The following CDC42EP5 variants were observed in gnomAD, a reference collection of about 807,000 sequenced individuals.
CDC42EP5 encodes CDC42 effector protein (Rho GTPase binding) 5.
For missense variants in CDC42EP5, 269 were observed against 238.0 expected (o/e 1.13, Z -0.86); for synonymous variants, 118 against 123.3 (o/e 0.96, Z 0.28).
In CDC42EP5 at chr19:54,468,279, T is replaced by C. The variant is rs143041949; in HGVS notation, c.1-2732A>G. ...GCACCCTGGGAAGTATTGGTGATAATATGGAGGAAAATGAAAGCCAAAGGG... is the reference window on the plus strand; with the variant it reads ...GCACCCTGGGAAGTATTGGTGATAACATGGAGGAAAATGAAAGCCAAAGGG... On this transcript the variant is annotated intron_variant, in intron 2 of 2. Transcript: ENST00000301200. Among the ~76,000 whole-genome samples, 865 of 152,068 alleles carry C rather than the reference T, an allele frequency of 5.7e-3. 10 individuals are homozygous for C. Among genetic ancestry groups the C allele is most frequent in the African/African-American group, 0.02 (824 of 41,466 alleles).
chr19:54,470,012 C>T (rs1221548988), intron 2 of CDC42EP5, among the ~76,000 whole-genome samples: 4 of 152,078 alleles, frequency 2.6e-5, no homozygotes, highest in Non-Finnish European at 4.4e-5. Flanking sequence ...CCTTCTTGTG[C>T]GATCCCAAAC....
At chr19:54,468,757 G>A (rs1156787118) in intron 2 of CDC42EP5, among the ~76,000 whole-genome samples, 22 of 141,316 alleles carry the variant, frequency 1.6e-4, no homozygotes, top group Admixed American at 9.4e-4. Context: ...TCACCATGTT[G>A]CCCAGGCTGG....
chr19:54,472,422 A>G lies in CDC42EP5; in HGVS notation c.-142+642T>C, dbSNP rs188960651. Among the ~76,000 whole-genome samples, 86 of 25,440 alleles carry G rather than the reference A, an allele frequency of 3.4e-3. 2 individuals carry two copies. The highest frequency in any genetic ancestry group is 9.2e-3 in the African/African-American group (37 of 4,026). The allele number at this position is 25,440 out of a possible 152,430, so 16.7% of individuals were successfully genotyped here. A position where few individuals can be genotyped will look rare whatever the true frequency, so the allele number is the denominator to read the frequency against. ...AGCCCCTCCTCCCTCAGACCCAGGA[A>G]TCCAGGCCCCATCCCCTCCTCCCTC... On this transcript the variant is annotated intron_variant, in intron 1 of 2. Transcript: ENST00000301200.
chr19:54,467,286 T>TAA (rs111920581), intron 2 of CDC42EP5, among the ~76,000 whole-genome samples: 49,422 of 144,932 alleles, frequency 0.34, 9,133 homozygotes, highest in East Asian at 0.62. Context: ...CCATCTCTAC[T>TAA]AAAAAAAAAA....
At chr19:54,467,525 C>CA (rs1425282753) in intron 2 of CDC42EP5, among the ~76,000 whole-genome samples, 2 of 150,300 alleles carry the variant, frequency 1.3e-5, no homozygotes, top group Non-Finnish European at 3.0e-5. Flanking sequence ...GCAGCATCTG[C>CA]ATTGTAAACT....
In CDC42EP5 at chr19:54,465,361, G is replaced by A; in HGVS notation, c.187C>T (p.Pro63Ser). 1 of 1,156,544 alleles carries A rather than the reference G, an allele frequency of 8.6e-7. No individual in the cohort carries two copies. The highest frequency in any genetic ancestry group is 1.1e-6 in the Non-Finnish European group (1 of 939,580). The allele number at this position is 1,156,544 out of a possible 1,614,324, so 71.6% of individuals were successfully genotyped here. Residue 63 changes from proline (P) to serine (S), a missense_variant, in exon 3 of 3, where the codon CCC becomes TCC. Transcript: ENST00000301200. ...GGGGAGCGCGGGGCCCCCGCGGGGG[G>A]CGCCCGGGGCTCGGGGGGCGGCCCG... is the stretch of plus-strand genomic sequence containing the variant. ...GGGPPPEPRA[P>S]PAGAPRSPPP...
chr19:54,466,469 C>G (rs2123287188), intron 2 of CDC42EP5, among the ~76,000 whole-genome samples: 1 of 152,260 alleles, frequency 6.6e-6, no homozygotes, highest in East Asian at 1.9e-4. Flanking sequence ...AAAACTCCAG[C>G]TTGTCAAAAA....
intron 2 of CDC42EP5, 128 bp from the exon 3 acceptor site, chr19:54,465,675 G>A (rs1171473582): frequency 2.6e-6 from 3 of 1,165,500 alleles, no homozygotes; most frequent in South Asian, 4.3e-5. Flanking sequence ...ACGGAGTCTC[G>A]CCCATGCTGG....
intron 2 of CDC42EP5, among the ~76,000 whole-genome samples, chr19:54,468,804 G>C (rs1043890421): frequency 1.3e-5 from 2 of 150,020 alleles, no homozygotes; most frequent in Admixed American, 6.7e-5. Context: ...TGCCCGCCTT[G>C]GCCTCCCAAA....
Position 54,465,205 on chromosome 19 carries a change from C to A in CDC42EP5, c.343G>T (p.Ala115Ser). 1.4e-6 allele frequency: 2 copies of A among 1,438,412 alleles called. No homozygotes were observed. Among genetic ancestry groups the A allele is most frequent in the African/African-American group, 1.5e-5 (1 of 67,336 alleles). The allele number at this position is 1,438,412 out of a possible 1,614,324, so 89.1% of individuals were successfully genotyped here. A position where few individuals can be genotyped will look rare whatever the true frequency, so the allele number is the denominator to read the frequency against. Reference sequence around the variant, plus strand: ...GGTTCCGCGTCGGGCTTGGCGGCAGCCGCCTCCGGGCGCGCCGCGTCCATG... The same window carrying A: ...GGTTCCGCGTCGGGCTTGGCGGCAGACGCCTCCGGGCGCGCCGCGTCCATG... ...GVMDAARPEA[A>S]AAKPDAEPRP... Residue 115 changes from alanine (A) to serine (S), a missense_variant, in exon 3 of 3, where the codon GCT (alanine) becomes TCT (serine). Physicochemically the swap from Ala to Ser is moderately conservative, Grantham distance 99. Transcript: ENST00000301200.
chr19:54,465,572 C>A, intron 2 of CDC42EP5, 25 bp from the exon 3 acceptor site: 1 of 1,453,422 alleles, frequency 6.9e-7, no homozygotes, highest in South Asian at 1.4e-5. Context: ...GGAGGGTCAG[C>A]GCGGCCCCAG....
At chr19:54,468,915 C>CTTT (rs1704811248) in intron 2 of CDC42EP5, among the ~76,000 whole-genome samples, 1 of 146,778 alleles carries the variant, frequency 6.8e-6, no homozygotes, top group South Asian at 2.2e-4. Flanking sequence ...TTCCTTCCTT[C>CTTT]CTTCCTTCTT....
At chr19:54,471,382 G>C (rs1306549527) in intron 2 of CDC42EP5, 163 bp downstream of exon 2, 2 of 152,096 alleles carry the variant, frequency 1.3e-5, no homozygotes, top group East Asian at 3.9e-4. Flanking sequence ...AGACCCGTGG[G>C]AGCTGCGGTG....
intron 2 of CDC42EP5, among the ~76,000 whole-genome samples, chr19:54,469,407 A>G (rs1038545314): frequency 1.3e-5 from 2 of 152,200 alleles, no homozygotes; most frequent in African/African-American, 4.8e-5. Flanking sequence ...AGCTGCTAAC[A>G]GAGCCTATGA....
Position 54,465,029 on chromosome 19 carries a change from G to T in CDC42EP5, c.*72C>A. The T allele has an allele frequency of 8.3e-7, 1 of 1,201,984 alleles. No individual in the cohort carries two copies. 74.5% of individuals were successfully genotyped at this position (1,201,984 alleles called of 1,614,324 possible). A position where few individuals can be genotyped will look rare whatever the true frequency, so the allele number is the denominator to read the frequency against. On this transcript the variant is annotated 3_prime_UTR_variant, in exon 3 of 3. Coordinates refer to ENST00000301200, the MANE Select transcript of CDC42EP5 (RefSeq NM_145057.4). The stretch of plus-strand genomic sequence containing the variant: ...GTGCAAAGTGAAAAGTCAGAGCCCG[G>T]GCACACACCTTGGCCGTTTATGTAT...
At chr19:54,465,578 C>A in intron 2 of CDC42EP5, 31 bp from the exon 3 acceptor site, 1 of 1,438,246 alleles carries the variant, frequency 7.0e-7, no homozygotes, top group Non-Finnish European at 9.0e-7. Context: ...TCAGCGCGGC[C>A]CCAGCCCGGG....
chr19:54,465,841 G>A lies in CDC42EP5; in HGVS notation c.1-294C>T, dbSNP rs1406266237. On this transcript the variant is annotated intron_variant, in intron 2 of 2. Transcript: ENST00000301200. ...GTAGAGACGGGGTTTCACAATGTTG[G>A]CCAGGCTGGTCTTGAACTCCTGACC... 3.9e-5 allele frequency among the ~76,000 whole-genome samples: 6 copies of A among 152,034 alleles called. No homozygotes were observed. In the East Asian group the frequency reaches 1.2e-3, roughly 30 times the overall value.
intron 2 of CDC42EP5, among the ~76,000 whole-genome samples, chr19:54,470,632 G>A (rs1173365857): frequency 6.6e-6 from 1 of 152,132 alleles, no homozygotes; most frequent in Admixed American, 6.6e-5. Context: ...GCTTATCCTG[G>A]GCCAGGCACC....
In CDC42EP5 at chr19:54,465,439, C is replaced by A. The variant is rs1240872405; in HGVS notation, c.109G>T (p.Gly37Trp). The change falls in exon 3 of 3, where the codon GGG (glycine) becomes TGG (tryptophan). Residue 37 changes from glycine to tryptophan, a missense_variant. Coordinates refer to ENST00000301200, the MANE Select transcript of CDC42EP5 (RefSeq NM_145057.4). The part of the protein sequence containing the change: ...LGDFRHTLHV[G>W]RGGDAFGDTS... ...TCCCCGAAGGCGTCGCCGCCGCGCCCCACGTGCAGCGTGTGCCGGAAGTCG... is the reference window on the plus strand; with the variant it reads ...TCCCCGAAGGCGTCGCCGCCGCGCCACACGTGCAGCGTGTGCCGGAAGTCG... 2.0e-6 allele frequency: 3 copies of A among 1,501,960 alleles called. No individual in the cohort carries two copies. Among genetic ancestry groups the A allele is most frequent in the East Asian group, 2.8e-5 (1 of 35,876 alleles). 93.0% of individuals were successfully genotyped at this position (1,501,960 alleles called of 1,614,324 possible). A position where few individuals can be genotyped will look rare whatever the true frequency, so the allele number is the denominator to read the frequency against.
Sources: allele counts gnomAD v4.1 joint callset (sites outside exome capture counted in the v4.1 genomes callset), GRCh38; gene constraint gnomAD v4.1.1; transcripts MANE v1.5; gene names NCBI Gene and HGNC (gene_info 2026-07-23, HGNC 2026-07-21).